Variants in KPNA6 observed in about 807,000 individuals in gnomAD.
KPNA6 encodes importin subunit alpha-7.
In KPNA6, 9 loss-of-function variants were observed where a neutral mutation model predicts 72.0. The observed-to-expected ratio is 0.13, with a 90% confidence interval of 0.08 to 0.22. The LOEUF is 0.22. Among genes scored for constraint, KPNA6 ranks in the 10% least tolerant of loss-of-function variants. KPNA6 has a pLI of 1.00. For missense variants in KPNA6, 374 were observed against 655.7 expected (o/e 0.57, Z 4.69); for synonymous variants, 219 against 242.1 (o/e 0.90, Z 0.89).
intron 1 of KPNA6, among the ~76,000 whole-genome samples, chr1:32,125,002 G>A (rs546397314): frequency 6.6e-5 from 10 of 151,426 alleles, no homozygotes; most frequent in African/African-American, 1.2e-4. Context: ...ATGCCACCAC[G>A]CCCAGCTAAT....
chr1:32,169,005 C>G (rs1481338331), intron 12 of KPNA6, among the ~76,000 whole-genome samples: 1 of 151,982 alleles, frequency 6.6e-6, no homozygotes, highest in African/African-American at 2.4e-5. Context: ...ATGAACTAGA[C>G]CAACCACATG....
At chr1:32,127,037 C>T (rs1169331127) in intron 1 of KPNA6, among the ~76,000 whole-genome samples, 1 of 152,122 alleles carries the variant, frequency 6.6e-6, no homozygotes, top group Non-Finnish European at 1.5e-5. Flanking sequence ...AGCATTTAGG[C>T]CCTAGATACT....
intron 1 of KPNA6, among the ~76,000 whole-genome samples, chr1:32,118,992 GTATACATATATA>G (rs1557456892): frequency 3.5e-4 from 29 of 83,210 alleles, no homozygotes; most frequent in African/African-American, 1.3e-3. Flanking sequence ...GTGTGTGTGT[GTATACATATATA>G]TATATATATA....
intron 1 of KPNA6, among the ~76,000 whole-genome samples, chr1:32,131,275 A>G (rs1261929772): frequency 6.6e-6 from 1 of 152,198 alleles, no homozygotes; most frequent in Non-Finnish European, 1.5e-5. Flanking sequence ...GCTGGGCGAC[A>G]AGAGCGAAAC....
intron 4 of KPNA6, among the ~76,000 whole-genome samples, 155 bp from the exon 5 acceptor site, chr1:32,158,112 C>T (rs763983902): frequency 9.2e-5 from 14 of 152,084 alleles, no homozygotes; most frequent in East Asian, 3.9e-4. Flanking sequence ...AGTTCAAAGA[C>T]GAGTAGATAT....
chr1:32,160,446 C>T (rs938644810), intron 6 of KPNA6, among the ~76,000 whole-genome samples, 169 bp from the exon 7 acceptor site: 3 of 152,094 alleles, frequency 2.0e-5, no homozygotes, highest in African/African-American at 7.2e-5. Context: ...CATTGTAGAA[C>T]AAGTGCTCAG....
intron 10 of KPNA6, among the ~76,000 whole-genome samples, chr1:32,165,044 A>G (rs1642307860): frequency 6.6e-6 from 1 of 151,786 alleles, no homozygotes; most frequent in Non-Finnish European, 1.5e-5. Context: ...GACTACAGGC[A>G]TGCACCATCA....
chr1:32,166,278 G>T, intron 11 of KPNA6, 48 bp downstream of exon 11: 1 of 1,571,250 alleles, frequency 6.4e-7, no homozygotes, highest in Non-Finnish European at 8.6e-7. Context: ...ATAGGAACTT[G>T]GGAGGTTGTT....
chr1:32,131,210 C>G lies in KPNA6; in HGVS notation c.4+23076C>G, dbSNP rs549051944. On this transcript the variant is annotated intron_variant, in intron 1 of 13. Coordinates refer to ENST00000373625, the MANE Select transcript of KPNA6 (RefSeq NM_012316.5). ...TCGGGAGGCCGAGGCAGGAGAATCA[C>G]TGGAACCTGGAAGGTGGAGGTTGCA... 2.3e-4 allele frequency among the ~76,000 whole-genome samples: 35 copies of G among 152,324 alleles called. No individual in the cohort carries two copies. The South Asian group carries it at 5.6e-3, about 24-fold the overall frequency.
At chr1:32,145,662 C>T (rs974190328) in intron 1 of KPNA6, among the ~76,000 whole-genome samples, 1 of 152,138 alleles carries the variant, frequency 6.6e-6, no homozygotes, top group Non-Finnish European at 1.5e-5. Flanking sequence ...ATAAAATATT[C>T]TCTATACAAT....
chr1:32,140,263 A>G (rs1417903235), intron 1 of KPNA6, among the ~76,000 whole-genome samples: 1 of 152,122 alleles, frequency 6.6e-6, no homozygotes, highest in Non-Finnish European at 1.5e-5. Context: ...GTGAACCTGT[A>G]ATCCCAGCTA....
chr1:32,134,532 G>A (rs748829252), intron 1 of KPNA6, among the ~76,000 whole-genome samples: 19 of 151,592 alleles, frequency 1.3e-4, no homozygotes, highest in Non-Finnish European at 2.4e-4. Flanking sequence ...CAGCTACCTG[G>A]GAGGCTGAGG....
At chr1:32,167,764 G>A (rs1418945263) in intron 12 of KPNA6, among the ~76,000 whole-genome samples, 3 of 151,906 alleles carry the variant, frequency 2.0e-5, no homozygotes, top group Admixed American at 2.0e-4. Flanking sequence ...TGAGATGGGA[G>A]GATGGCTTGA....
Position 32,125,113 on chromosome 1 carries a change from A to G in KPNA6, c.4+16979A>G, listed in dbSNP as rs560218256. ...ACCCGCCTCGGCCTCCCAAAGTGCTAGGATTACAGGCCTGAGTCACCTCAC... is the reference window on the plus strand; with the variant it reads ...ACCCGCCTCGGCCTCCCAAAGTGCTGGGATTACAGGCCTGAGTCACCTCAC... On this transcript the variant is annotated intron_variant, in intron 1 of 13. Coordinates refer to ENST00000373625, the MANE Select transcript of KPNA6 (RefSeq NM_012316.5). Among the ~76,000 whole-genome samples the G allele has an allele frequency of 1.6e-3, 241 of 152,290 alleles. 1 individual carries two copies. Among genetic ancestry groups the G allele is most frequent in the African/African-American group, 5.4e-3 (223 of 41,558 alleles).
At chr1:32,147,537 A>G (rs146679513) in intron 1 of KPNA6, among the ~76,000 whole-genome samples, 87 of 151,584 alleles carry the variant, frequency 5.7e-4, no homozygotes, top group African/African-American at 2.1e-3. Flanking sequence ...GGCTCAAGTA[A>G]TCGTCTGGCC....
chr1:32,126,000 A>AAAAAC (rs1344906069), intron 1 of KPNA6, among the ~76,000 whole-genome samples: 1 of 149,758 alleles, frequency 6.7e-6, no homozygotes, highest in African/African-American at 2.5e-5. Context: ...AAAAAAAAAA[A>AAAAAC]ACCTGTCCTA....
In KPNA6 at chr1:32,113,436, A is replaced by G. The variant is rs149513270; in HGVS notation, c.4+5302A>G. Reference sequence around the variant, plus strand: ...TTGTTGTCATTTCATGTATGTGTGTATGTATGTATGTATATATGTTTTTTT... The same window carrying G: ...TTGTTGTCATTTCATGTATGTGTGTGTGTATGTATGTATATATGTTTTTTT... On this transcript the variant is annotated intron_variant, in intron 1 of 13. Transcript: ENST00000373625. Among the ~76,000 whole-genome samples the G allele has an allele frequency of 9.3e-4, 141 of 152,092 alleles. 3 individuals are homozygous for G. In the East Asian group the frequency reaches 0.023, roughly 25 times the overall value.
rs571786900 is a variant in KPNA6, at chr1:32,138,703, A to G, written c.5-15885A>G. On this transcript the variant is annotated intron_variant, in intron 1 of 13. Transcript: ENST00000373625. ...AAGATGACCACAGTAAGAAACTTGA[A>G]GAGTGGTTGGAAGGCTAAGAGAAAA... Among the ~76,000 whole-genome samples, 4 of 152,256 alleles carry G rather than the reference A, an allele frequency of 2.6e-5. No individual in the cohort carries two copies. The South Asian group carries it at 8.3e-4, about 32-fold the overall frequency.
intron 7 of KPNA6, among the ~76,000 whole-genome samples, chr1:32,161,643 G>A (rs1401359992): frequency 6.6e-5 from 10 of 152,126 alleles, no homozygotes; most frequent in Non-Finnish European, 1.5e-5. Flanking sequence ...TCCTGGACTT[G>A]TGGCCAGGGT....
Sources: allele counts gnomAD v4.1 joint callset (sites outside exome capture counted in the v4.1 genomes callset), GRCh38; gene constraint gnomAD v4.1.1; transcripts MANE v1.5; gene names NCBI Gene and HGNC (gene_info 2026-07-23, HGNC 2026-07-21).